PDCL2: variants seen among roughly 807,000 people sequenced by gnomAD.
PDCL2 encodes phosducin like 2, also known as phosducin-like protein 2.
Under a neutral mutation model 30.3 loss-of-function variants are expected in PDCL2, and 23 were observed. The ratio of observed to expected loss-of-function variants is 0.76; its 90% CI spans 0.55 to 1.08. The LOEUF (loss-of-function observed/expected upper bound fraction) is 1.08, where lower values mean the gene tolerates loss of function less well. Ranked by LOEUF, PDCL2 falls within the 50% of genes least tolerant of loss-of-function variation. PDCL2 has a pLI of 0.00. For synonymous variants in PDCL2, 68 were observed against 86.2 expected, an observed-to-expected ratio of 0.79 and a Z score of 1.17; for missense variants, 243 against 282.3, an observed-to-expected ratio of 0.86 and a Z score of 1.00.
intron 5 of PDCL2, among the ~76,000 whole-genome samples, chr4:55,558,696 C>G (rs1732048316): frequency 6.6e-6 from 1 of 152,056 alleles, no homozygotes; most frequent in Admixed American, 6.6e-5. Context: ...TATTTTTCAC[C>G]TTGGGAATAC....
intron 1 of PDCL2, among the ~76,000 whole-genome samples, chr4:55,588,339 A>G (rs137918571): frequency 6.6e-6 from 1 of 152,308 alleles, no homozygotes; most frequent in Non-Finnish European, 1.5e-5. Context: ...TCTACTGTTT[A>G]TGTAAAAGTG....
intron 4 of PDCL2, among the ~76,000 whole-genome samples, chr4:55,562,911 A>AG (rs915995056): frequency 1.1e-4 from 7 of 65,926 alleles, no homozygotes; most frequent in East Asian, 8.3e-4. Context: ...CCCAGTTTGT[A>AG]GAAAAAAAAA....
intron 1 of PDCL2, among the ~76,000 whole-genome samples, chr4:55,585,113 A>G (rs1732826784): frequency 6.6e-6 from 1 of 152,094 alleles, no homozygotes; most frequent in Admixed American, 6.6e-5. Context: ...TGTTGACTTC[A>G]GTTTGCTAGT....
At chr4:55,581,806 C>A (rs1732719990) in intron 2 of PDCL2, among the ~76,000 whole-genome samples, 1 of 152,172 alleles carries the variant, frequency 6.6e-6, no homozygotes, top group Non-Finnish European at 1.5e-5. Flanking sequence ...TAGGTTCATG[C>A]CATTCTACTG....
At chr4:55,587,398 CTA>C (rs1392020392) in intron 1 of PDCL2, among the ~76,000 whole-genome samples, 1 of 152,012 alleles carries the variant, frequency 6.6e-6, no homozygotes, top group Non-Finnish European at 1.5e-5. Context: ...CACACTCAAA[CTA>C]TAGCAAAATC....
chr4:55,571,364 T>C (rs963419814), intron 3 of PDCL2, among the ~76,000 whole-genome samples: 2 of 151,688 alleles, frequency 1.3e-5, no homozygotes, highest in East Asian at 1.9e-4. Flanking sequence ...CCTGACACAC[T>C]TGAATAAAAA....
At chr4:55,590,178 C>T (rs1268953750) in intron 1 of PDCL2, among the ~76,000 whole-genome samples, 1 of 104,204 alleles carries the variant, frequency 9.6e-6, no homozygotes, top group Non-Finnish European at 1.7e-5. Context: ...GCCTGGATGA[C>T]AGAGCTAGGC....
chr4:55,565,973 GTTTTTTTT>G (rs71194595), intron 4 of PDCL2, among the ~76,000 whole-genome samples: 6 of 74,504 alleles, frequency 8.1e-5, no homozygotes, highest in African/African-American at 2.1e-4. Context: ...CCATTTTTCT[GTTTTTTTT>G]TTTTTTTTTT....
rs376085782 is a variant in PDCL2, at chr4:55,562,534, G to A, written c.441C>T (p.Ala147=). ...AGTGTTGAATACAGCTATTCACGAT[G>A]GCTTTAACAAATTTAGTTTCTGGAA... ...RKFPETKFVK[A]IVNSCIQHYH... The change falls in exon 5 of 6, where the codon GCC becomes GCT. Residue 147 remains alanine (A), a synonymous_variant. Transcript: ENST00000295645. 1.9e-6 allele frequency: 3 copies of A among 1,604,450 alleles called. No individual in the cohort carries two copies. The highest frequency in any genetic ancestry group is 1.1e-5 in the South Asian group (1 of 89,324).
intron 5 of PDCL2, among the ~76,000 whole-genome samples, chr4:55,559,395 G>A (rs1338930305): frequency 6.6e-6 from 1 of 152,152 alleles, no homozygotes; most frequent in African/African-American, 2.4e-5. Flanking sequence ...ATTATAGAAT[G>A]CTAGACAGGA....
chr4:55,585,258 T>C (rs1732830140), intron 1 of PDCL2, among the ~76,000 whole-genome samples: 1 of 152,192 alleles, frequency 6.6e-6, no homozygotes, highest in African/African-American at 2.4e-5. Flanking sequence ...CTGGGTGCAG[T>C]GGCTCATGCC....
chr4:55,577,835 T>A (rs545095944), intron 3 of PDCL2, among the ~76,000 whole-genome samples: 15 of 152,334 alleles, frequency 9.8e-5, no homozygotes, highest in African/African-American at 3.4e-4. Context: ...CTTCCTCAAG[T>A]ACATTTTCTG....
intron 1 of PDCL2, among the ~76,000 whole-genome samples, chr4:55,583,012 A>G (rs1732767524): frequency 6.6e-6 from 1 of 151,954 alleles, no homozygotes. Flanking sequence ...TTCTTGCTCT[A>G]TCACCCAAGC....
intron 5 of PDCL2, among the ~76,000 whole-genome samples, 160 bp from the exon 6 acceptor site, chr4:55,556,871 T>C (rs2110149878): frequency 6.6e-6 from 1 of 152,278 alleles, no homozygotes; most frequent in South Asian, 2.1e-4. Context: ...TCTCCCTCTG[T>C]CACCCAGGCT....
intron 5 of PDCL2, among the ~76,000 whole-genome samples, chr4:55,558,214 C>G (rs1363938577): frequency 6.6e-6 from 1 of 152,018 alleles, no homozygotes; most frequent in Non-Finnish European, 1.5e-5. Context: ...AGACACATTC[C>G]TGATATGGTT....
At chr4:55,582,645 T>C (rs1272813068) in intron 1 of PDCL2, among the ~76,000 whole-genome samples, 1 of 152,148 alleles carries the variant, frequency 6.6e-6, no homozygotes, top group African/African-American at 2.4e-5. Context: ...CTAGGGTACA[T>C]GTGCACAATG....
chr4:55,562,376 T>C (rs977567751), intron 5 of PDCL2, 28 bp downstream of exon 5: 1 of 1,363,788 alleles, frequency 7.3e-7, no homozygotes, highest in African/African-American at 1.5e-5. Context: ...TCACCTATCA[T>C]TTTTATAAAC....
chr4:55,565,981 T>G (rs976057472), intron 4 of PDCL2, among the ~76,000 whole-genome samples: 2 of 131,496 alleles, frequency 1.5e-5, no homozygotes, highest in African/African-American at 6.1e-5. Context: ...CTGTTTTTTT[T>G]TTTTTTTTTT....
At chr4:55,561,235 C>A (rs768619293) in intron 5 of PDCL2, among the ~76,000 whole-genome samples, 1 of 151,954 alleles carries the variant, frequency 6.6e-6, no homozygotes, top group Non-Finnish European at 1.5e-5. Flanking sequence ...GCAAAAACAG[C>A]TTTGGGGGAC....
Sources: gnomAD v4.1 joint callset for allele counts (sites outside exome capture counted in the v4.1 genomes callset) on GRCh38, gnomAD v4.1.1 for gene constraint, MANE v1.5 for transcripts, NCBI Gene and HGNC (gene_info 2026-07-23, HGNC 2026-07-21) for gene names.